Variants in CDH17 observed in about 807,000 individuals in gnomAD.
The protein encoded by CDH17 is cadherin-17.
In CDH17, 67 loss-of-function variants were observed where a neutral mutation model predicts 86.3. The ratio of observed to expected loss-of-function variants is 0.78; its 90% CI spans 0.64 to 0.95. CDH17 has a LOEUF of 0.95. Among genes scored for constraint, CDH17 ranks in the 40% least tolerant of loss-of-function variants. The pLI is 0.00. For missense variants in CDH17, 993 were observed against 1,017.6 expected (o/e 0.98, Z 0.33); for synonymous variants, 367 against 366.4 (o/e 1.00, Z -0.02).
chr8:94,145,086 A>T (rs1449801898), intron 15 of CDH17, among the ~76,000 whole-genome samples: 1 of 152,232 alleles, frequency 6.6e-6, no homozygotes, highest in Non-Finnish European at 1.5e-5. Flanking sequence ...TTTGGAAAGT[A>T]GTTCAACCTT....
At chr8:94,201,483 CAAAG>C (rs1286689615) in intron 1 of CDH17, among the ~76,000 whole-genome samples, 2 of 152,108 alleles carry the variant, frequency 1.3e-5, no homozygotes, top group Non-Finnish European at 2.9e-5. Flanking sequence ...GGCTCATCCA[CAAAG>C]AAAGAACACT....
intron 1 of CDH17, among the ~76,000 whole-genome samples, chr8:94,215,060 A>T (rs990947808): frequency 3.9e-5 from 6 of 152,254 alleles, no homozygotes; most frequent in Non-Finnish European, 4.4e-5. Context: ...AAATAACACA[A>T]CCACTTTGGT....
At chr8:94,167,740 C>T (rs1441155866) in intron 9 of CDH17, among the ~76,000 whole-genome samples, 2 of 152,108 alleles carry the variant, frequency 1.3e-5, no homozygotes, top group South Asian at 4.1e-4. Flanking sequence ...CCTCCTCTCA[C>T]TCACAGGAAA....
At chr8:94,206,703 A>G (rs10956905) in intron 1 of CDH17, among the ~76,000 whole-genome samples, 63,174 of 145,472 alleles carry the variant, frequency 0.43, 14,513 homozygotes, top group Middle Eastern at 0.54. Flanking sequence ...ATGCAGTGGC[A>G]CAATCATGAC....
At chr8:94,207,781 C>T (rs942048441) in intron 1 of CDH17, among the ~76,000 whole-genome samples, 4 of 152,088 alleles carry the variant, frequency 2.6e-5, no homozygotes, top group Admixed American at 6.5e-5. Flanking sequence ...AGGCAAATAT[C>T]GGACCATTGA....
At chr8:94,178,984 T>C (rs1303945466) in intron 3 of CDH17, among the ~76,000 whole-genome samples, 1 of 150,438 alleles carries the variant, frequency 6.6e-6, no homozygotes, top group Non-Finnish European at 1.5e-5. Flanking sequence ...AAATTGTAAA[T>C]ATCATCTTTT....
At chr8:94,171,622 A>C (rs1256473373) in intron 7 of CDH17, among the ~76,000 whole-genome samples, 1 of 152,168 alleles carries the variant, frequency 6.6e-6, no homozygotes, top group African/African-American at 2.4e-5. Context: ...TATATTAATA[A>C]TGTTTACTGA....
At chr8:94,150,099 T>C (rs930666020) in intron 13 of CDH17, among the ~76,000 whole-genome samples, 1 of 152,248 alleles carries the variant, frequency 6.6e-6, no homozygotes, top group Non-Finnish European at 1.5e-5. Flanking sequence ...TCCCACAATG[T>C]ATTTTTTTAG....
At chr8:94,147,829 C>T (rs1037437395) in intron 14 of CDH17, among the ~76,000 whole-genome samples, 17 of 152,090 alleles carry the variant, frequency 1.1e-4, no homozygotes, top group Non-Finnish European at 1.0e-4. Flanking sequence ...GCTCAAACAT[C>T]CTGGGCTTTT....
At chr8:94,171,274 G>A (rs1801240539) in intron 7 of CDH17, among the ~76,000 whole-genome samples, 1 of 152,128 alleles carries the variant, frequency 6.6e-6, no homozygotes, top group Admixed American at 6.6e-5. Flanking sequence ...GTCTGACTGT[G>A]AAAGCTTTCT....
chr8:94,166,739 A>G (rs917699819), intron 9 of CDH17, among the ~76,000 whole-genome samples: 4 of 152,186 alleles, frequency 2.6e-5, no homozygotes, highest in African/African-American at 9.6e-5. Flanking sequence ...AGGTGCCCCT[A>G]TAAGAAGGGA....
At chr8:94,157,898 A>G (rs1455084162) in intron 12 of CDH17, among the ~76,000 whole-genome samples, 1 of 152,192 alleles carries the variant, frequency 6.6e-6, no homozygotes, top group Non-Finnish European at 1.5e-5. Flanking sequence ...TCAAAAAAAG[A>G]TGTGCTGTTT....
chr8:94,174,295 A>G (rs753753788), intron 5 of CDH17, 35 bp from the exon 6 acceptor site: 2 of 1,554,128 alleles, frequency 1.3e-6, no homozygotes, highest in Non-Finnish European at 8.6e-7. Flanking sequence ...AAAAAAAAAA[A>G]AAGATATTAA....
At chr8:94,174,929 T>C (rs1026962131) in intron 5 of CDH17, among the ~76,000 whole-genome samples, 6 of 152,174 alleles carry the variant, frequency 3.9e-5, no homozygotes, top group African/African-American at 2.4e-5. Flanking sequence ...TTTAATGAAT[T>C]AATAATTTTT....
chr8:94,166,911 A>G (rs1006782713), intron 9 of CDH17, among the ~76,000 whole-genome samples: 1 of 152,184 alleles, frequency 6.6e-6, no homozygotes, highest in Admixed American at 6.5e-5. Context: ...CTGCCCTGCA[A>G]GCACCTTGAT....
At chr8:94,132,840 TGTGTAAG>T (rs1456236368) in intron 15 of CDH17, among the ~76,000 whole-genome samples, 3 of 152,218 alleles carry the variant, frequency 2.0e-5, no homozygotes, top group African/African-American at 7.2e-5. Context: ...AATTAATTTT[TGTGTAAG>T]GTGTAAGGAA....
intron 1 of CDH17, among the ~76,000 whole-genome samples, chr8:94,197,817 C>T (rs1033664772): frequency 4.7e-5 from 6 of 128,288 alleles, no homozygotes; most frequent in Admixed American, 2.6e-4. Context: ...GGTGATGGAA[C>T]GAGACTCTGT....
In CDH17 at chr8:94,130,943, C is replaced by T. The variant is rs187981885; in HGVS notation, c.2217G>A (p.Glu739=). 1.8e-5 allele frequency: 29 copies of T among 1,611,036 alleles called. No homozygotes were observed. In the East Asian group the frequency reaches 3.6e-4, roughly 20 times the overall value. ...STRHTEFEER[E]YVVLIRINDG... ...CATTGATGCGGATCAAGACGACATA[C>T]TCCCTCTCCTCAAACTCTGTGTGCC... Residue 739 remains glutamate, a synonymous_variant, in exon 16 of 18, where the codon GAG becomes GAA. Transcript: ENST00000027335.
intron 15 of CDH17, among the ~76,000 whole-genome samples, chr8:94,134,055 G>A (rs866937615): frequency 2.0e-5 from 3 of 152,196 alleles, no homozygotes; most frequent in Non-Finnish European, 4.4e-5. Flanking sequence ...GATTCAGTTT[G>A]CCAGTATTTT....
Sources: allele counts gnomAD v4.1 joint callset (sites outside exome capture counted in the v4.1 genomes callset), GRCh38; gene constraint gnomAD v4.1.1; transcripts MANE v1.5; gene names NCBI Gene and HGNC (gene_info 2026-07-23, HGNC 2026-07-21).